Variants in ZNF155 observed in about 807,000 individuals in gnomAD.
The protein encoded by ZNF155 is zinc finger protein 155, also known as KRAB A domain.
A neutral mutation model predicts 11.9 loss-of-function variants in ZNF155; 15 were observed. The ratio of observed to expected loss-of-function variants is 1.26; its 90% CI spans 0.84 to 1.94. The LOEUF (loss-of-function observed/expected upper bound fraction) is 1.94, where lower values mean the gene tolerates loss of function less well. Among genes scored for constraint, ZNF155 ranks in the 30% most tolerant of loss-of-function variants. The pLI, the probability that ZNF155 is intolerant of heterozygous loss-of-function variation, is 0.00. For missense variants in ZNF155, 602 were observed against 639.1 expected, an observed-to-expected ratio of 0.94 and a Z score of 0.63; for synonymous variants, 212 against 219.9, an observed-to-expected ratio of 0.96 and a Z score of 0.32.
At chr19:43,985,741 C>A (rs1975419125) in intron 1 of ZNF155, among the ~76,000 whole-genome samples, 1 of 151,936 alleles carries the variant, frequency 6.6e-6, no homozygotes, top group Admixed American at 6.5e-5. Flanking sequence ...GGGGTTTCAC[C>A]GTTTTGGTCA....
chr19:43,993,100 C>T (rs1475832822), intron 4 of ZNF155, among the ~76,000 whole-genome samples: 1 of 152,210 alleles, frequency 6.6e-6, no homozygotes, highest in Non-Finnish European at 1.5e-5. Context: ...ATACACTTCA[C>T]TGGCCCCAGC....
In ZNF155 at chr19:43,998,136, C is replaced by G. The variant is rs1975976423; in HGVS notation, c.*662C>G. 1 of 152,110 alleles carries G rather than the reference C, an allele frequency of 6.6e-6. No individual in the cohort carries two copies. The highest frequency in any genetic ancestry group is 1.5e-5 in the Non-Finnish European group (1 of 68,082). The allele number at this position is 152,110 out of a possible 1,614,324, so 9.4% of individuals were successfully genotyped here. ...TCATCACTTCGGTTCCTGATTGGTCCCGGGCCAAGGTCCCAGACCAAGCTG... is the reference window on the plus strand; with the variant it reads ...TCATCACTTCGGTTCCTGATTGGTCGCGGGCCAAGGTCCCAGACCAAGCTG... On this transcript the variant is annotated 3_prime_UTR_variant, in exon 5 of 5. Coordinates refer to ENST00000270014, the MANE Select transcript of ZNF155 (RefSeq NM_198089.3).
chr19:43,997,570 C>T lies in ZNF155; in HGVS notation c.*96C>T, dbSNP rs888282211. ...TAATTGGTGTATCTGTTACCTCAAA[C>T]ATTTACCATTTCTTTGTGTTGGAAA... On this transcript the variant is annotated 3_prime_UTR_variant, in exon 5 of 5. Coordinates refer to ENST00000270014, the MANE Select transcript of ZNF155 (RefSeq NM_198089.3). The T allele has an allele frequency of 3.7e-6, 4 of 1,080,072 alleles. No individual in the cohort carries two copies. The highest frequency in any genetic ancestry group is 3.0e-5 in the Admixed American group (1 of 33,120). 66.9% of individuals were successfully genotyped at this position (1,080,072 alleles called of 1,614,324 possible).
intron 1 of ZNF155, among the ~76,000 whole-genome samples, chr19:43,984,960 GC>G (rs1975384533): frequency 6.6e-6 from 1 of 152,204 alleles, no homozygotes. Flanking sequence ...TAAAAGAGCT[GC>G]AGGGAGGGAC....
At chr19:43,988,381 A>G in intron 1 of ZNF155, 78 bp from the exon 2 acceptor site, 1 of 532,242 alleles carries the variant, frequency 1.9e-6, no homozygotes, top group South Asian at 7.6e-5. Flanking sequence ...GGTTGTGTGC[A>G]GTTTGGGTTT....
rs1355046899 is a variant in ZNF155 at position 43,991,704 on chromosome 19, A to G, written c.142+30A>G. On this transcript the variant is annotated intron_variant, in intron 3 of 4. Coordinates refer to ENST00000270014, the MANE Select transcript of ZNF155 (RefSeq NM_198089.3). ...GCACGGGCATCTTTTGTGTCTGAAC[A>G]TCAGGCCTCAGGAGTGGTTTTGTAC... 1.9e-6 allele frequency: 3 copies of G among 1,613,892 alleles called. No individual in the cohort carries two copies. The East Asian group carries it at 6.7e-5, about 36-fold the overall frequency.
intron 4 of ZNF155, among the ~76,000 whole-genome samples, chr19:43,995,467 T>A (rs1975815410): frequency 6.6e-6 from 1 of 150,570 alleles, no homozygotes; most frequent in African/African-American, 2.4e-5. Flanking sequence ...TCACTGCAAC[T>A]TCCACCTCCC....
At chr19:43,985,337 A>G (rs2147366291) in intron 1 of ZNF155, among the ~76,000 whole-genome samples, 1 of 152,240 alleles carries the variant, frequency 6.6e-6, no homozygotes, top group East Asian at 1.9e-4. Flanking sequence ...CTGGAATTAC[A>G]GGTGTGAGCC....
intron 1 of ZNF155, among the ~76,000 whole-genome samples, chr19:43,985,219 C>A (rs1975394523): frequency 6.6e-6 from 1 of 151,964 alleles, no homozygotes; most frequent in African/African-American, 2.4e-5. Flanking sequence ...CGTCACCATG[C>A]CCGGCTAATT....
At chr19:43,986,745 A>G (rs1056650637) in intron 1 of ZNF155, among the ~76,000 whole-genome samples, 2 of 152,106 alleles carry the variant, frequency 1.3e-5, no homozygotes, top group African/African-American at 2.4e-5. Context: ...CACGGCGCCC[A>G]GCCCCCATTG....
At chr19:43,991,524 A>G in intron 2 of ZNF155, 24 bp from the exon 3 acceptor site, 1 of 1,613,918 alleles carries the variant, frequency 6.2e-7, no homozygotes, top group Admixed American at 1.7e-5. Context: ...ATAAGATTGA[A>G]GTTATGTCTT....
Position 43,997,817 on chromosome 19 carries a change from A to G in ZNF155, c.*343A>G, listed in dbSNP as rs1020285494. 5.3e-6 allele frequency: 1 copy of G among 188,482 alleles called. No homozygotes were observed. The highest frequency in any genetic ancestry group is 2.4e-5 in the African/African-American group (1 of 42,344). 11.7% of individuals were successfully genotyped at this position (188,482 alleles called of 1,614,324 possible). ...GAACCTCCAGCCCATTCAGGTAAAA[A>G]CTCGCACAAACCTCCGGCTCACTCA... On this transcript the variant is annotated 3_prime_UTR_variant, in exon 5 of 5. Coordinates refer to ENST00000270014, the MANE Select transcript of ZNF155 (RefSeq NM_198089.3).
At chr19:43,992,641 C>G (rs544270842) in intron 4 of ZNF155, among the ~76,000 whole-genome samples, 1 of 152,368 alleles carries the variant, frequency 6.6e-6, no homozygotes, top group East Asian at 1.9e-4. Flanking sequence ...AAGCCTCTGC[C>G]TTCTACCTTT....
intron 2 of ZNF155, chr19:43,990,199 A>T (rs396786): frequency 1.3e-6 from 1 of 782,812 alleles, no homozygotes; most frequent in South Asian, 2.1e-5. Flanking sequence ...TTTTCATTTG[A>T]AATTATTATT....
At chr19:43,988,428 A>C in intron 1 of ZNF155, 31 bp from the exon 2 acceptor site, 1 of 1,154,260 alleles carries the variant, frequency 8.7e-7, no homozygotes, top group South Asian at 1.8e-5. Flanking sequence ...TCATGGGCTA[A>C]TTCACAACAC....
At chr19:43,985,400 T>C (rs1422578912) in intron 1 of ZNF155, among the ~76,000 whole-genome samples, 1 of 151,166 alleles carries the variant, frequency 6.6e-6, no homozygotes, top group East Asian at 2.0e-4. Flanking sequence ...CAACCAAGAG[T>C]GTATAGGATG....
chr19:43,984,327 G>A (rs1004284322), intron 1 of ZNF155, 82 bp downstream of exon 1: 2 of 152,236 alleles, frequency 1.3e-5, no homozygotes, highest in African/African-American at 4.8e-5. Context: ...AAGGGGGTAA[G>A]AAGCCCTGGA....
At position 43,996,128 on chromosome 19, in the gene ZNF155, G is replaced by A. The variant is rs1194091330; in HGVS notation, c.271G>A (p.Glu91Lys). 1 of 1,612,014 alleles carries A rather than the reference G, an allele frequency of 6.2e-7. No individual in the cohort carries two copies. The highest frequency in any genetic ancestry group is 8.5e-7 in the Non-Finnish European group (1 of 1,178,760). The part of the protein sequence containing the change: ...KIQTELESVP[E>K]AGAHEEWSCQ... ...CCAAACTGAGTTGGAGTCTGTTCCAGAAGCAGGAGCACATGAAGAGTGGTC... is the reference window on the plus strand; with the variant it reads ...CCAAACTGAGTTGGAGTCTGTTCCAAAAGCAGGAGCACATGAAGAGTGGTC... Residue 91 changes from glutamate (E) to lysine (K), a missense_variant, in exon 5 of 5, where the codon GAA (glutamate) becomes AAA (lysine). Physicochemically the swap from Glu to Lys is moderately conservative, Grantham distance 56. Transcript: ENST00000270014.
rs147391627 is a variant in ZNF155, at chr19:43,996,323, T to G, written c.466T>G (p.Ser156Ala). ...TTCCCAGGGTGGGAAGTGTAAACAG[T>G]CCATCAGTGATGTTCCCATCTTTGA... is the stretch of plus-strand genomic sequence containing the variant. The part of the protein sequence containing the change: ...KPSQGGKCKQ[S>A]ISDVPIFDLP... The change falls in exon 5 of 5, where the codon TCC becomes GCC. Residue 156 changes from serine (S) to alanine (A), a missense_variant. Coordinates refer to ENST00000270014, the MANE Select transcript of ZNF155 (RefSeq NM_198089.3). The G allele has an allele frequency of 1.9e-4, 307 of 1,614,160 alleles. 1 individual carries two copies. In the East Asian group the frequency reaches 5.9e-3, roughly 31 times the overall value.
Sources: allele counts gnomAD v4.1 joint callset (sites outside exome capture counted in the v4.1 genomes callset), GRCh38; gene constraint gnomAD v4.1.1; transcripts MANE v1.5; gene names NCBI Gene and HGNC (gene_info 2026-07-23, HGNC 2026-07-21).